The following CARS2 variants were observed in gnomAD, a reference collection of about 807,000 sequenced individuals.
CARS2 encodes the protein probable cysteine--tRNA ligase, mitochondrial.
CARS2 carries 52 observed loss-of-function variants against 68.8 expected under a neutral mutation model. That is an observed-to-expected ratio of 0.76 (90% CI 0.61 to 0.95). The LOEUF (loss-of-function observed/expected upper bound fraction) is 0.95, where lower values mean the gene tolerates loss of function less well. CARS2 is among the 40% of genes least tolerant of loss of function. The probability of loss-of-function intolerance (pLI) is 0.00; values close to 1 mark genes in which losing one functional copy is unlikely to be tolerated. For synonymous variants in CARS2, 314 were observed against 303.6 expected, an observed-to-expected ratio of 1.03 and a Z score of -0.36; for missense variants, 780 against 754.2, an observed-to-expected ratio of 1.03 and a Z score of -0.40.
At chr13:110,656,614 G>C (rs2062374255) in intron 9 of CARS2, among the ~76,000 whole-genome samples, 1 of 152,176 alleles carries the variant, frequency 6.6e-6, no homozygotes. Flanking sequence ...GCCGGGCGTG[G>C]TGGCTCACGC....
chr13:110,711,854 C>T (rs1320868859), intron 1 of CARS2, among the ~76,000 whole-genome samples: 1 of 152,232 alleles, frequency 6.6e-6, no homozygotes, highest in African/African-American at 2.4e-5. Context: ...CGGCAGGGCC[C>T]TGGAATGAGC....
chr13:110,660,712 C>G (rs369466), intron 9 of CARS2, among the ~76,000 whole-genome samples: 42,894 of 151,340 alleles, frequency 0.28, 6,787 homozygotes, highest in African/African-American at 0.39. Context: ...CTGTCATACA[C>G]GCTTTGATAT....
upstream of CARS2, among the ~76,000 whole-genome samples, chr13:110,711,149 T>C (rs1181282015): frequency 6.6e-6 from 1 of 152,182 alleles, no homozygotes; most frequent in Non-Finnish European, 1.5e-5. Flanking sequence ...TTATTCAACT[T>C]TGTACTCCCT....
chr13:110,644,612 G>T, intron 12 of CARS2, 129 bp from the exon 13 acceptor site: 1 of 1,475,670 alleles, frequency 6.8e-7, no homozygotes, highest in Non-Finnish European at 9.0e-7. Flanking sequence ...GGCTTCTATG[G>T]AGGGAGGACA....
At chr13:110,712,948 G>T in intron 1 of CARS2, 1 of 1,559,472 alleles carries the variant, frequency 6.4e-7, no homozygotes, top group Admixed American at 1.9e-5. Context: ...CGCCTAGGCT[G>T]CTGGGAGTGG....
intron 9 of CARS2, among the ~76,000 whole-genome samples, chr13:110,659,376 C>G (rs1388226306): frequency 6.6e-6 from 1 of 152,154 alleles, no homozygotes; most frequent in East Asian, 1.9e-4. Context: ...GTGAGGACTC[C>G]CTAACAACTC....
At chr13:110,710,609 A>G (rs1721609922), upstream of CARS2, among the ~76,000 whole-genome samples, 1 of 152,278 alleles carries the variant, frequency 6.6e-6, no homozygotes, top group African/African-American at 2.4e-5. Context: ...TATCTTCAAA[A>G]TTAAGCACCT....
intron 9 of CARS2, chr13:110,663,001 T>C (rs1309142181): frequency 2.2e-6 from 1 of 457,590 alleles, no homozygotes; most frequent in Admixed American, 2.3e-5. Context: ...GTCAGCAGCA[T>C]AGCATGATGC....
At chr13:110,643,941 G>A (rs1056830425) in intron 13 of CARS2, 7 of 340,784 alleles carry the variant, frequency 2.1e-5, no homozygotes, top group African/African-American at 1.5e-4. Flanking sequence ...GAGCCTCGCT[G>A]GGAAGGTGCA....
Position 110,677,088 on chromosome 13 carries a change from C to A in CARS2, c.671G>T (p.Arg224Leu). Residue 224 changes from arginine (R) to leucine (L), a missense_variant, in exon 7 of 15, where the codon CGT (arginine) becomes CTT (leucine). Coordinates refer to ENST00000257347, the MANE Select transcript of CARS2 (RefSeq NM_024537.4). ...CCACAGGGCGAAGTCACTGGCATGA[C>A]GCTTGTCAGAGTCCGCTGCAGATGA... Reference protein sequence around the residue: ...PVGEPADSDKRHASDFALWKA... With the variant: ...PVGEPADSDKLHASDFALWKA... 1 of 1,607,650 alleles carries A rather than the reference C, an allele frequency of 6.2e-7. No individual in the cohort carries two copies. Among genetic ancestry groups the A allele is most frequent in the Non-Finnish European group, 8.5e-7 (1 of 1,175,482 alleles).
At position 110,682,972 on chromosome 13, in the gene CARS2, C is replaced by A. The variant is rs61971611; in HGVS notation, c.655+79G>T. On this transcript the variant is annotated intron_variant, in intron 6 of 14. Transcript: ENST00000257347. ...GTGTCTGAGCAAGTGGAGGGGTCTG[C>A]GCTCCAGATCTCATCTCCCCAGAGC... 109 of 919,764 alleles carry A rather than the reference C, an allele frequency of 1.2e-4. No homozygotes were observed. The Middle Eastern group carries it at 2.0e-3, about 17-fold the overall frequency. 57.0% of individuals were successfully genotyped at this position (919,764 alleles called of 1,614,324 possible). A position where few individuals can be genotyped will look rare whatever the true frequency, so the allele number is the denominator to read the frequency against.
In CARS2 at chr13:110,712,900, A is replaced by G; in HGVS notation, n.399+237T>C. 2.0e-6 allele frequency: 3 copies of G among 1,520,172 alleles called. No individual in the cohort carries two copies. In the South Asian group the frequency reaches 3.6e-5, roughly 18 times the overall value. The allele number at this position is 1,520,172 out of a possible 1,614,324, so 94.2% of individuals were successfully genotyped here. ...CAAACTGAGTACCGGGAGACGACAC[A>G]AAGGGAGGGCGGTGACGGATGGCGC... On this transcript the variant is annotated intron_variant and non_coding_transcript_variant, in intron 1 of 2. Transcript: ENST00000485188.
chr13:110,647,246 A>G lies in CARS2; in HGVS notation c.1055-7T>C, dbSNP rs775563211. ...CTGTCACTGTAGTCGATGGCTGAGGAGGAAGAGATGGTCACTGAGGCGGTG... is the reference window on the plus strand; with the variant it reads ...CTGTCACTGTAGTCGATGGCTGAGGGGGAAGAGATGGTCACTGAGGCGGTG... On this transcript the variant is annotated splice_region_variant and splice_polypyrimidine_tract_variant and intron_variant, in intron 10 of 14. Coordinates refer to ENST00000257347, the MANE Select transcript of CARS2 (RefSeq NM_024537.4). 64 of 1,611,200 alleles carry G rather than the reference A, an allele frequency of 4.0e-5. No homozygotes were observed. Among genetic ancestry groups the G allele is most frequent in the Non-Finnish European group, 5.2e-5 (61 of 1,178,592 alleles).
upstream of CARS2, among the ~76,000 whole-genome samples, chr13:110,708,937 A>G (rs1037771526): frequency 1.3e-4 from 19 of 151,972 alleles, no homozygotes; most frequent in Admixed American, 4.6e-4. Flanking sequence ...TATTTTTAGT[A>G]GAGATGGGGT....
chr13:110,678,995 G>A (rs946258738), intron 6 of CARS2, among the ~76,000 whole-genome samples: 14 of 152,280 alleles, frequency 9.2e-5, no homozygotes, highest in Admixed American at 9.2e-4. Context: ...ACTAAAGCAG[G>A]TGGATGCCCA....
At chr13:110,701,581 T>A in intron 2 of CARS2, 26 bp from the exon 3 acceptor site, 1 of 977,774 alleles carries the variant, frequency 1.0e-6, no homozygotes, top group Non-Finnish European at 1.7e-6. Flanking sequence ...TGTCAGGATG[T>A]CTTTATTACA....
chr13:110,681,285 T>C (rs2063150608), intron 6 of CARS2, among the ~76,000 whole-genome samples: 1 of 152,234 alleles, frequency 6.6e-6, no homozygotes, highest in Non-Finnish European at 1.5e-5. Flanking sequence ...GACAACACCA[T>C]TGCTTTGGAA....
At chr13:110,678,871 A>C (rs2139818176) in intron 6 of CARS2, among the ~76,000 whole-genome samples, 1 of 152,264 alleles carries the variant, frequency 6.6e-6, no homozygotes, top group South Asian at 2.1e-4. Context: ...TACAGAAGGC[A>C]GCGCAGGCGG....
intron 3 of CARS2, among the ~76,000 whole-genome samples, chr13:110,698,639 G>C (rs2139913986): frequency 6.6e-6 from 1 of 152,204 alleles, no homozygotes; most frequent in Middle Eastern, 3.4e-3. Flanking sequence ...ACAGTATTAA[G>C]AGGTGAGAAC....
Sources: gnomAD v4.1 joint callset for allele counts (sites outside exome capture counted in the v4.1 genomes callset) on GRCh38, gnomAD v4.1.1 for gene constraint, MANE v1.5 for transcripts, NCBI Gene and HGNC (gene_info 2026-07-23, HGNC 2026-07-21) for gene names.